ADK: variants seen among roughly 807,000 people sequenced by gnomAD.
ADK encodes the protein N6,N6-dimethyladenosine kinase.
ADK carries 24 observed loss-of-function variants against 44.7 expected under a neutral mutation model. That is an observed-to-expected ratio of 0.54 (90% CI 0.39 to 0.76). The LOEUF (loss-of-function observed/expected upper bound fraction) is 0.76. Ranked by LOEUF, ADK falls within the 30% of genes least tolerant of loss-of-function variation. ADK has a pLI of 0.00. For synonymous variants in ADK, 128 were observed against 142.6 expected, an observed-to-expected ratio of 0.90 and a Z score of 0.73; for missense variants, 321 against 425.1, an observed-to-expected ratio of 0.76 and a Z score of 2.15.
chr10:74,482,440 A>G (rs140330726), intron 6 of ADK, among the ~76,000 whole-genome samples: 35 of 152,340 alleles, frequency 2.3e-4, no homozygotes, highest in African/African-American at 7.9e-4. Flanking sequence ...TTTGACATGC[A>G]GCTTGGGTGG....
In ADK at chr10:74,372,491, A is replaced by AG. The variant is rs1294142236; in HGVS notation, c.274-21650_274-21649insG. 1.4e-5 allele frequency: 6 copies of AG among 428,116 alleles called. No homozygotes were observed. The Admixed American group carries it at 1.4e-4, about 10-fold the overall frequency. 26.5% of individuals were successfully genotyped at this position (428,116 alleles called of 1,614,324 possible). A position where few individuals can be genotyped will look rare whatever the true frequency, so the allele number is the denominator to read the frequency against. ...AATAAATGTCAGTTTAAAAAAAAAA[A>AG]AGTAATGCATTCAGCAAGGTTGACA... On this transcript the variant is annotated intron_variant, in intron 4 of 10. Coordinates refer to ENST00000539909, the MANE Select transcript of ADK (RefSeq NM_006721.4).
At chr10:74,656,048 TG>T (rs1162650883) in intron 9 of ADK, 13 of 493,488 alleles carry the variant, frequency 2.6e-5, no homozygotes, top group African/African-American at 5.9e-5. Flanking sequence ...AGAGTAGGAC[TG>T]GGGAGATGAT....
chr10:74,330,879 A>G (rs1048353135), intron 4 of ADK, among the ~76,000 whole-genome samples: 2 of 152,112 alleles, frequency 1.3e-5, no homozygotes, highest in African/African-American at 4.8e-5. Flanking sequence ...GACCCACCAA[A>G]ACTATGTGAG....
Position 74,709,115 on chromosome 10 carries a change from A to C in ADK, c.*670A>C, listed in dbSNP as rs935819535. ...GGACACAAACAAAAACTTGTCATAT[A>C]GGAATTTTTTTCTGTCTTTTCCCTG... On this transcript the variant is annotated 3_prime_UTR_variant, in exon 11 of 11. Transcript: ENST00000539909. The C allele has an allele frequency of 6.6e-6, 1 of 152,388 alleles. No individual in the cohort carries two copies. The highest frequency in any genetic ancestry group is 1.5e-5 in the Non-Finnish European group (1 of 68,176). 9.4% of individuals were successfully genotyped at this position (152,388 alleles called of 1,614,324 possible). A position where few individuals can be genotyped will look rare whatever the true frequency, so the allele number is the denominator to read the frequency against.
chr10:74,440,985 A>G (rs1845387455), intron 6 of ADK, among the ~76,000 whole-genome samples: 1 of 152,168 alleles, frequency 6.6e-6, no homozygotes, highest in African/African-American at 2.4e-5. Flanking sequence ...ATCTATTGTA[A>G]TATAAACAAG....
chr10:74,231,608 A>G (rs1564608064), intron 3 of ADK, among the ~76,000 whole-genome samples: 2 of 150,118 alleles, frequency 1.3e-5, no homozygotes, highest in East Asian at 3.9e-4. Flanking sequence ...TGGGACTACC[A>G]CTGTGCACCA....
chr10:74,692,220 C>T (rs1856013966), intron 10 of ADK, among the ~76,000 whole-genome samples: 2 of 152,010 alleles, frequency 1.3e-5, no homozygotes, highest in African/African-American at 2.4e-5. Flanking sequence ...GGCTCACACC[C>T]GTAATCCCAG....
chr10:74,403,486 C>A (rs1483929887), intron 6 of ADK, among the ~76,000 whole-genome samples: 1 of 152,130 alleles, frequency 6.6e-6, no homozygotes, highest in East Asian at 1.9e-4. Context: ...TGCAGTTGAT[C>A]TGATAGCGGA....
intron 7 of ADK, among the ~76,000 whole-genome samples, chr10:74,563,210 GCACCTCCAC>G (rs1303075824): frequency 4.6e-5 from 7 of 152,162 alleles, no homozygotes; most frequent in African/African-American, 1.2e-4. Context: ...CTATAGGCTT[GCACCTCCAC>G]ACCTGACTTC....
intron 7 of ADK, among the ~76,000 whole-genome samples, chr10:74,542,439 G>A (rs1849671437): frequency 6.6e-6 from 1 of 152,044 alleles, no homozygotes; most frequent in South Asian, 2.1e-4. Context: ...AATTTTTTTT[G>A]TCTTTAGCCT....
intron 3 of ADK, among the ~76,000 whole-genome samples, chr10:74,293,728 A>G (rs746192532): frequency 2.6e-5 from 4 of 152,130 alleles, no homozygotes; most frequent in Non-Finnish European, 5.9e-5. Context: ...TTTTTATATT[A>G]TTTTCATAGA....
chr10:74,608,712 G>C (rs1248552819), intron 9 of ADK, among the ~76,000 whole-genome samples: 1 of 152,132 alleles, frequency 6.6e-6, no homozygotes, highest in Non-Finnish European at 1.5e-5. Context: ...TGGGGGTCAG[G>C]GACCCAGAGG....
intron 7 of ADK, among the ~76,000 whole-genome samples, chr10:74,537,127 A>T (rs1347286199): frequency 6.6e-6 from 1 of 152,226 alleles, no homozygotes; most frequent in Non-Finnish European, 1.5e-5. Context: ...CATTTAAAAA[A>T]TAATAGCCAT....
intron 9 of ADK, among the ~76,000 whole-genome samples, chr10:74,650,887 C>T (rs1407207102): frequency 3.9e-5 from 6 of 152,038 alleles, no homozygotes; most frequent in Non-Finnish European, 7.4e-5. Context: ...ATGTAATGTC[C>T]CTAAAATGAA....
intron 9 of ADK, among the ~76,000 whole-genome samples, chr10:74,629,228 C>G (rs964445610): frequency 5.9e-5 from 9 of 152,068 alleles, no homozygotes; most frequent in African/African-American, 2.2e-4. Context: ...CAGGGTCTTG[C>G]TGTGTTGTCC....
chr10:74,397,073 T>C (rs1843544154), intron 5 of ADK, among the ~76,000 whole-genome samples: 1 of 152,158 alleles, frequency 6.6e-6, no homozygotes, highest in Non-Finnish European at 1.5e-5. Flanking sequence ...AAATGTTTGC[T>C]TTTATTTGGT....
In ADK at chr10:74,288,165, A is replaced by T. The variant is rs955390203; in HGVS notation, c.195-26502A>T. Among the ~76,000 whole-genome samples, 6 of 152,180 alleles carry T rather than the reference A, an allele frequency of 3.9e-5. No individual in the cohort carries two copies. The East Asian group carries it at 1.2e-3, about 29-fold the overall frequency. ...TTGTAAATAACGGGCAATAAAATTA[A>T]TGCGGAAGGTTTGGCTTACATTATT... On this transcript the variant is annotated intron_variant, in intron 3 of 10. Coordinates refer to ENST00000539909, the MANE Select transcript of ADK (RefSeq NM_006721.4).
chr10:74,443,334 A>C (rs559040759), intron 6 of ADK, among the ~76,000 whole-genome samples: 1 of 152,182 alleles, frequency 6.6e-6, no homozygotes, highest in Admixed American at 6.5e-5. Flanking sequence ...AAAATGTATT[A>C]TATCCACACA....
intron 3 of ADK, among the ~76,000 whole-genome samples, chr10:74,251,193 A>G (rs1190864244): frequency 2.0e-5 from 3 of 152,210 alleles, no homozygotes; most frequent in African/African-American, 7.2e-5. Flanking sequence ...GAAGCAATGA[A>G]TTTGGTTTTG....
Sources: gnomAD v4.1 joint callset for allele counts (sites outside exome capture counted in the v4.1 genomes callset) on GRCh38, gnomAD v4.1.1 for gene constraint, MANE v1.5 for transcripts, NCBI Gene and HGNC (gene_info 2026-07-23, HGNC 2026-07-21) for gene names.